The following PLCE1 variants were observed in gnomAD, a reference collection of about 807,000 sequenced individuals.
The protein encoded by PLCE1 is 1-phosphatidylinositol 4,5-bisphosphate phosphodiesterase epsilon-1.
A neutral mutation model predicts 242.8 loss-of-function variants in PLCE1; 119 were observed. That is an observed-to-expected ratio of 0.49 (90% confidence interval 0.42 to 0.57). PLCE1 has a LOEUF of 0.57. Among genes scored for constraint, PLCE1 ranks in the 20% least tolerant of loss-of-function variants. PLCE1 has a pLI of 0.00. For missense variants in PLCE1, 2,441 were observed against 2,788.8 expected (o/e 0.88, Z 2.81); for synonymous variants, 945 against 1,017.4 (o/e 0.93, Z 1.35).
chr10:94,121,468 G>A (rs768227328), intron 2 of PLCE1, among the ~76,000 whole-genome samples: 1 of 152,182 alleles, frequency 6.6e-6, no homozygotes, highest in Non-Finnish European at 1.5e-5. Flanking sequence ...GTTACCTGAG[G>A]TCCTCAGGCC....
At chr10:94,088,863 C>T (rs2044946933) in intron 2 of PLCE1, among the ~76,000 whole-genome samples, 1 of 151,988 alleles carries the variant, frequency 6.6e-6, no homozygotes, top group African/African-American at 2.4e-5. Flanking sequence ...CCAAGTAATC[C>T]TAAATTTACA....
intron 3 of PLCE1, among the ~76,000 whole-genome samples, chr10:94,144,764 A>T (rs1433864956): frequency 6.6e-6 from 1 of 152,130 alleles, no homozygotes; most frequent in Non-Finnish European, 1.5e-5. Context: ...CTGGGCGGAG[A>T]GTGGTGAGCT....
intron 4 of PLCE1, among the ~76,000 whole-genome samples, chr10:94,188,806 T>C (rs1425962336): frequency 1.3e-5 from 2 of 152,076 alleles, no homozygotes; most frequent in African/African-American, 4.8e-5. Flanking sequence ...CGTTTCACCA[T>C]GTTGGTCAGG....
At chr10:94,182,299 G>A (rs1326954393) in intron 4 of PLCE1, among the ~76,000 whole-genome samples, 2 of 151,868 alleles carry the variant, frequency 1.3e-5, no homozygotes, top group South Asian at 4.2e-4. Context: ...GACAGAGTCT[G>A]ACTGTCACCC....
intron 29 of PLCE1, among the ~76,000 whole-genome samples, chr10:94,319,864 C>CT (rs58610099): frequency 0.13 from 11,669 of 92,812 alleles, 1,404 homozygotes; most frequent in Non-Finnish European, 0.17. Flanking sequence ...CAAAGGTGCT[C>CT]TTTTTTTTTT....
intron 2 of PLCE1, among the ~76,000 whole-genome samples, chr10:94,061,388 G>T (rs942195801): frequency 2.0e-5 from 3 of 152,204 alleles, no homozygotes; most frequent in Non-Finnish European, 4.4e-5. Flanking sequence ...ATCTGTGGAT[G>T]GGGACTGAAA....
Position 94,273,637 on chromosome 10 carries a change from C to T in PLCE1, c.4582C>T (p.Pro1528Ser), listed in dbSNP as rs1389250936. The change falls in exon 19 of 33, where the codon CCT becomes TCT. Residue 1528 changes from proline (P) to serine (S), a missense_variant. By Grantham distance (74) the Pro-to-Ser change is moderately conservative. Coordinates refer to ENST00000371380, the MANE Select transcript of PLCE1 (RefSeq NM_016341.4). ...DFSDDPMLPS[P>S]DQLRKKVLLK... ...CTCAGATGATCCAATGCTTCCTTCA[C>T]CTGACCAACTCAGAAAGAAAGTTCT... 1.9e-6 allele frequency: 3 copies of T among 1,613,240 alleles called. No individual in the cohort carries two copies. In the African/African-American group the frequency reaches 4.0e-5, roughly 22 times the overall value.
intron 2 of PLCE1, among the ~76,000 whole-genome samples, chr10:94,074,647 A>C (rs557955328): frequency 6.6e-6 from 1 of 152,350 alleles, no homozygotes; most frequent in Admixed American, 6.5e-5. Context: ...ACAGCCATTT[A>C]GAACAACATT....
chr10:94,199,656 G>A (rs2048933076), intron 4 of PLCE1, among the ~76,000 whole-genome samples: 1 of 152,210 alleles, frequency 6.6e-6, no homozygotes, highest in South Asian at 2.1e-4. Context: ...GATGCATTGT[G>A]GAGTTTGTTT....
At chr10:94,262,936 A>C (rs1458863398) in intron 14 of PLCE1, among the ~76,000 whole-genome samples, 1 of 148,614 alleles carries the variant, frequency 6.7e-6, no homozygotes, top group Non-Finnish European at 1.5e-5. Context: ...CAGTGGTGTG[A>C]TCTCGGCTCA....
At chr10:94,169,616 C>T (rs901677176) in intron 3 of PLCE1, among the ~76,000 whole-genome samples, 5 of 152,102 alleles carry the variant, frequency 3.3e-5, no homozygotes, top group African/African-American at 4.8e-5. Flanking sequence ...GGAAAGCAAA[C>T]GCAGGTTTGG....
At chr10:94,241,849 G>A (rs1358016118) in intron 7 of PLCE1, among the ~76,000 whole-genome samples, 3 of 151,184 alleles carry the variant, frequency 2.0e-5, no homozygotes, top group Non-Finnish European at 4.4e-5. Flanking sequence ...AGGTAGCCTA[G>A]AGAAGAGGAA....
chr10:94,039,382 C>T (rs891543965), intron 2 of PLCE1, among the ~76,000 whole-genome samples: 1 of 145,600 alleles, frequency 6.9e-6, no homozygotes, highest in African/African-American at 2.5e-5. Context: ...TTCTCCATAT[C>T]TTTTTTTTTT....
At chr10:94,162,610 C>G (rs965866464) in intron 3 of PLCE1, among the ~76,000 whole-genome samples, 10 of 152,078 alleles carry the variant, frequency 6.6e-5, no homozygotes, top group African/African-American at 2.2e-4. Flanking sequence ...AAACCAGCTC[C>G]TGGATTCATT....
chr10:94,119,753 C>T (rs1001100832), intron 2 of PLCE1, among the ~76,000 whole-genome samples: 3 of 152,150 alleles, frequency 2.0e-5, no homozygotes, highest in African/African-American at 4.8e-5. Context: ...TGCTTACCTT[C>T]CCTGATGCTC....
rs1589558301 is a variant in PLCE1, at chr10:94,328,430, C to CTTGT, written c.*490_*493dup. 1 of 152,696 alleles carries CTTGT rather than the reference C, an allele frequency of 6.5e-6. No individual in the cohort carries two copies. Among genetic ancestry groups the CTTGT allele is most frequent in the African/African-American group, 2.4e-5 (1 of 41,430 alleles). 9.5% of individuals were successfully genotyped at this position (152,696 alleles called of 1,614,324 possible). A position where few individuals can be genotyped will look rare whatever the true frequency, so the allele number is the denominator to read the frequency against. Reference sequence around the variant, plus strand: ...ATATTTTTCACATGTCACAAATACTCTTGTTTTGACTTTTTTTCAACCATT... The same window carrying CTTGT: ...ATATTTTTCACATGTCACAAATACTCTTGTTTGTTTTGACTTTTTTTCAACCATT... On this transcript the variant is annotated 3_prime_UTR_variant, in exon 33 of 33. Transcript: ENST00000371380.
intron 4 of PLCE1, among the ~76,000 whole-genome samples, chr10:94,223,305 G>T (rs1292092595): frequency 1.3e-5 from 2 of 150,098 alleles, no homozygotes; most frequent in Admixed American, 6.6e-5. Context: ...ACCAGTTCAA[G>T]ATTCCTGAGA....
intron 7 of PLCE1, among the ~76,000 whole-genome samples, chr10:94,236,736 A>G (rs1486858668): frequency 1.3e-5 from 2 of 152,200 alleles, no homozygotes; most frequent in Non-Finnish European, 2.9e-5. Flanking sequence ...ATTATTTCAA[A>G]GATTTTTCAC....
chr10:94,281,002 G>A (rs1365830113), intron 20 of PLCE1, among the ~76,000 whole-genome samples: 1 of 152,190 alleles, frequency 6.6e-6, no homozygotes, highest in Non-Finnish European at 1.5e-5. Flanking sequence ...AAGCCAGTTT[G>A]CTACACCTGA....
Sources: gnomAD v4.1 joint callset for allele counts (sites outside exome capture counted in the v4.1 genomes callset) on GRCh38, gnomAD v4.1.1 for gene constraint, MANE v1.5 for transcripts, NCBI Gene and HGNC (gene_info 2026-07-23, HGNC 2026-07-21) for gene names.